The following PCDH15 variants were observed in gnomAD, a reference collection of about 807,000 sequenced individuals.
The protein encoded by PCDH15 is protocadherin-15.
A neutral mutation model predicts 178.5 loss-of-function variants in PCDH15; 129 were observed. The ratio of observed to expected loss-of-function variants is 0.72; its 90% CI spans 0.63 to 0.84. The LOEUF (loss-of-function observed/expected upper bound fraction) is 0.84, where lower values mean the gene tolerates loss of function less well. Among genes scored for constraint, PCDH15 ranks in the 40% least tolerant of loss-of-function variants. The pLI is 0.00. For missense variants in PCDH15, 2,230 were observed against 2,099.9 expected, an observed-to-expected ratio of 1.06 and a Z score of -1.21; for synonymous variants, 800 against 732.0, an observed-to-expected ratio of 1.09 and a Z score of -1.50.
At chr10:54,760,383 T>A (rs1027323183) in intron 1 of PCDH15, among the ~76,000 whole-genome samples, 1 of 152,126 alleles carries the variant, frequency 6.6e-6, no homozygotes, top group African/African-American at 2.4e-5. Flanking sequence ...ATATTTTTTT[T>A]ATCAATTGCC....
chr10:55,039,357 G>C (rs1840812649), intron 2 of PCDH15, among the ~76,000 whole-genome samples: 1 of 151,984 alleles, frequency 6.6e-6, no homozygotes, highest in African/African-American at 2.4e-5. Context: ...AGAAAAAAAT[G>C]AATCTTAAAA....
chr10:55,319,454 T>C (rs1843826476), intron 1 of PCDH15: 1 of 152,126 alleles, frequency 6.6e-6, no homozygotes, highest in African/African-American at 2.4e-5. Flanking sequence ...GGTGGCAAGA[T>C]GGCTGACTAG....
At chr10:54,991,231 A>T (rs1839493003) in intron 2 of PCDH15, among the ~76,000 whole-genome samples, 1 of 152,182 alleles carries the variant, frequency 6.6e-6, no homozygotes, top group South Asian at 2.1e-4. Flanking sequence ...CATAAAAAGC[A>T]TTATTACCAA....
At chr10:54,696,402 C>A (rs1316824961) in intron 1 of PCDH15, among the ~76,000 whole-genome samples, 1 of 152,038 alleles carries the variant, frequency 6.6e-6, no homozygotes, top group Non-Finnish European at 1.5e-5. Context: ...AAAGTGGTTT[C>A]TTGAGATAAA....
intron 1 of PCDH15, among the ~76,000 whole-genome samples, chr10:54,674,764 A>G (rs2094750568): frequency 6.6e-6 from 1 of 152,110 alleles, no homozygotes; most frequent in Non-Finnish European, 1.5e-5. Flanking sequence ...AGGAAACTGT[A>G]ACTTTTATTG....
At chr10:54,127,581 GGAGT>G (rs2042089007) in intron 15 of PCDH15, among the ~76,000 whole-genome samples, 1 of 152,132 alleles carries the variant, frequency 6.6e-6, no homozygotes, top group South Asian at 2.1e-4. Context: ...GTCTAGAAAT[GGAGT>G]GAGGAAGGGC....
intron 15 of PCDH15, among the ~76,000 whole-genome samples, chr10:54,097,611 T>C (rs976397835): frequency 1.3e-5 from 2 of 152,212 alleles, no homozygotes; most frequent in African/African-American, 4.8e-5. Context: ...GGAACCTTCA[T>C]AAAAGCAGAA....
intron 2 of PCDH15, among the ~76,000 whole-genome samples, chr10:55,083,724 A>T (rs1201472537): frequency 6.6e-6 from 1 of 151,964 alleles, no homozygotes; most frequent in African/African-American, 2.4e-5. Context: ...GTTAAGTTGT[A>T]GGGTACAAAA....
chr10:54,472,547 A>G (rs1346034782), intron 3 of PCDH15, among the ~76,000 whole-genome samples: 1 of 152,160 alleles, frequency 6.6e-6, no homozygotes, highest in Non-Finnish European at 1.5e-5. Context: ...ATAAATAATG[A>G]TTGTTATCTA....
intron 3 of PCDH15, among the ~76,000 whole-genome samples, chr10:54,437,329 G>A (rs1373049740): frequency 6.6e-6 from 1 of 152,066 alleles, no homozygotes; most frequent in Non-Finnish European, 1.5e-5. Flanking sequence ...ATTCAGCCAA[G>A]ATGATGAACA....
chr10:55,024,136 T>G (rs553665780), intron 2 of PCDH15, among the ~76,000 whole-genome samples: 1 of 145,270 alleles, frequency 6.9e-6, no homozygotes, highest in Non-Finnish European at 1.5e-5. Flanking sequence ...TATATATATA[T>G]ATAGGAAGGA....
At chr10:54,659,840 A>C (rs2094463995) in intron 2 of PCDH15, among the ~76,000 whole-genome samples, 1 of 152,030 alleles carries the variant, frequency 6.6e-6, no homozygotes, top group African/African-American at 2.4e-5. Context: ...GAATGATTTT[A>C]GGCTAAACAA....
At chr10:55,211,951 T>C (rs537308967) in intron 1 of PCDH15, among the ~76,000 whole-genome samples, 2 of 79,170 alleles carry the variant, frequency 2.5e-5, no homozygotes, top group African/African-American at 1.0e-4. Flanking sequence ...AATTCTTTTC[T>C]AACAAAGAGC....
chr10:55,106,663 A>AGT (rs1842680176), intron 2 of PCDH15, among the ~76,000 whole-genome samples: 1 of 152,082 alleles, frequency 6.6e-6, no homozygotes, highest in Admixed American at 6.6e-5. Context: ...TGATCCACCC[A>AGT]CCTCGGCCTC....
intron 2 of PCDH15, among the ~76,000 whole-genome samples, chr10:55,376,946 A>G (rs1837406373): frequency 6.6e-6 from 1 of 152,032 alleles, no homozygotes; most frequent in Non-Finnish European, 1.5e-5. Flanking sequence ...CTGGCTTAAA[A>G]TTATAACCCT....
At chr10:53,879,874 A>T (rs2133326763) in intron 26 of PCDH15, among the ~76,000 whole-genome samples, 1 of 151,830 alleles carries the variant, frequency 6.6e-6, no homozygotes, top group East Asian at 1.9e-4. Context: ...CTGGTCTTTA[A>T]CTCCTGGCCT....
chr10:55,359,769 CACAT>C (rs1443068647), intron 2 of PCDH15, among the ~76,000 whole-genome samples: 2 of 140,418 alleles, frequency 1.4e-5, no homozygotes, highest in Non-Finnish European at 3.1e-5. Flanking sequence ...CACACACACA[CACAT>C]ATATATATAT....
chr10:54,844,333 T>C (rs116422869), intron 3 of PCDH15, among the ~76,000 whole-genome samples: 230 of 152,146 alleles, frequency 1.5e-3, no homozygotes, highest in African/African-American at 5.2e-3. Context: ...TTTGAGGAGA[T>C]GCTAGAACTC....
chr10:55,387,075 T>A (rs1258066995), intron 2 of PCDH15, among the ~76,000 whole-genome samples: 2 of 152,152 alleles, frequency 1.3e-5, no homozygotes, highest in Non-Finnish European at 2.9e-5. Context: ...TAAACTTTTT[T>A]ATTTGATTTT....
Sources: gnomAD v4.1 joint callset for allele counts (sites outside exome capture counted in the v4.1 genomes callset) on GRCh38, gnomAD v4.1.1 for gene constraint, MANE v1.5 for transcripts, NCBI Gene and HGNC (gene_info 2026-07-23, HGNC 2026-07-21) for gene names.